Variants in MSRA observed in about 807,000 individuals in gnomAD.
The protein encoded by MSRA is methionine sulfoxide reductase A.
MSRA carries 54 observed loss-of-function variants against 31.3 expected under a neutral mutation model. The observed-to-expected ratio is 1.73, with a 90% confidence interval of 1.39 to 2.17. MSRA has a LOEUF of 2.17. Among genes scored for constraint, MSRA ranks in the 30% most tolerant of loss-of-function variants. The probability of loss-of-function intolerance (pLI) is 0.00; values close to 1 mark genes in which losing one functional copy is unlikely to be tolerated. For synonymous variants in MSRA, 169 were observed against 116.5 expected (o/e 1.45, Z -2.90); for missense variants, 507 against 300.9 (o/e 1.69, Z -5.07).
intron 1 of MSRA, among the ~76,000 whole-genome samples, chr8:10,196,500 G>A (rs934763926): frequency 1.3e-5 from 2 of 151,820 alleles, no homozygotes; most frequent in East Asian, 3.9e-4. Context: ...GTCAGGAAGC[G>A]AGGCCCCTAC....
intron 1 of MSRA, among the ~76,000 whole-genome samples, chr8:10,076,867 G>C (rs536611122): frequency 6.6e-6 from 1 of 152,050 alleles, no homozygotes; most frequent in African/African-American, 2.4e-5. Context: ...CAGAGGATGG[G>C]GGGCTGGGGA....
intron 1 of MSRA, among the ~76,000 whole-genome samples, chr8:10,083,954 A>G (rs1798417391): frequency 6.6e-6 from 1 of 152,190 alleles, no homozygotes; most frequent in African/African-American, 2.4e-5. Flanking sequence ...GGTACAGCTA[A>G]ATTTTGTCCT....
At position 10,200,182 on chromosome 8, in the gene MSRA, C is replaced by T. The variant is rs1364374672; in HGVS notation, c.143-7651C>T. Among the ~76,000 whole-genome samples the T allele has an allele frequency of 7.2e-5, 11 of 152,214 alleles. No individual in the cohort carries two copies. The South Asian group carries it at 8.3e-4, about 11-fold the overall frequency. ...TCTGCTGCGTCTGGAGCAAAGGGAG[C>T]GGGCCAGATGGTCGTGGAGGGCGGG... On this transcript the variant is annotated intron_variant, in intron 1 of 5. Transcript: ENST00000317173.
chr8:10,427,899 G>A (rs1409686253), intron 5 of MSRA, among the ~76,000 whole-genome samples: 1 of 152,224 alleles, frequency 6.6e-6, no homozygotes, highest in African/African-American at 2.4e-5. Context: ...TGTGGGGGTA[G>A]AGTGTAAGTT....
At chr8:10,329,416 T>C (rs1039505034) in intron 5 of MSRA, among the ~76,000 whole-genome samples, 1 of 152,172 alleles carries the variant, frequency 6.6e-6, no homozygotes, top group Non-Finnish European at 1.5e-5. Flanking sequence ...CCTCATCCTC[T>C]TCTGGGCATC....
In MSRA at chr8:10,153,118, G is replaced by A. The variant is rs536973848; in HGVS notation, c.143-54715G>A. Among the ~76,000 whole-genome samples, 40 of 152,226 alleles carry A rather than the reference G, an allele frequency of 2.6e-4. No homozygotes were observed. In the South Asian group the frequency reaches 6.0e-3, roughly 23 times the overall value. On this transcript the variant is annotated intron_variant, in intron 1 of 5. Transcript: ENST00000317173. The stretch of plus-strand genomic sequence containing the variant: ...GTGAATGTACTTACCACTACTGAGC[G>A]GTACACTTAGAAATGGTTACGATGG...
chr8:10,325,259 G>T (rs377477339), intron 5 of MSRA, among the ~76,000 whole-genome samples: 1 of 152,134 alleles, frequency 6.6e-6, no homozygotes, highest in Non-Finnish European at 1.5e-5. Flanking sequence ...AATTTTAGCA[G>T]AGTGCATCCT....
intron 5 of MSRA, among the ~76,000 whole-genome samples, chr8:10,410,424 A>T (rs1441724488): frequency 6.6e-6 from 1 of 152,170 alleles, no homozygotes; most frequent in Non-Finnish European, 1.5e-5. Flanking sequence ...TCACCTCATA[A>T]TTCCCACAGT....
At chr8:10,176,827 C>T (rs1015878536) in intron 1 of MSRA, among the ~76,000 whole-genome samples, 1 of 152,212 alleles carries the variant, frequency 6.6e-6, no homozygotes, top group Non-Finnish European at 1.5e-5. Context: ...AGTGTTACAA[C>T]TGGAACTTCT....
At chr8:10,379,372 C>T (rs568091206) in intron 5 of MSRA, among the ~76,000 whole-genome samples, 23 of 152,288 alleles carry the variant, frequency 1.5e-4, no homozygotes, top group African/African-American at 5.5e-4. Context: ...CACCACTGAA[C>T]GTTCCCTGCC....
chr8:10,286,912 G>A (rs577926284), intron 3 of MSRA, among the ~76,000 whole-genome samples: 23 of 152,220 alleles, frequency 1.5e-4, no homozygotes, highest in African/African-American at 2.2e-4. Context: ...TCTTTATAGC[G>A]TACCTTTTTG....
At chr8:10,359,338 A>G (rs2129163977) in intron 5 of MSRA, among the ~76,000 whole-genome samples, 1 of 152,034 alleles carries the variant, frequency 6.6e-6, no homozygotes, top group African/African-American at 2.4e-5. Flanking sequence ...CATTTCCTTT[A>G]CACAGCTTTT....
At chr8:10,069,791 A>T (rs1797641697) in intron 1 of MSRA, among the ~76,000 whole-genome samples, 1 of 152,200 alleles carries the variant, frequency 6.6e-6, no homozygotes, top group Admixed American at 6.5e-5. Flanking sequence ...GACACATTCA[A>T]ACCAAAGTGA....
At chr8:10,092,377 G>T (rs1482428258) in intron 1 of MSRA, among the ~76,000 whole-genome samples, 4 of 152,142 alleles carry the variant, frequency 2.6e-5, no homozygotes, top group Non-Finnish European at 5.9e-5. Context: ...TGTACATTCT[G>T]GCCAGGCACG....
chr8:10,227,272 A>G (rs1811079291), intron 2 of MSRA, among the ~76,000 whole-genome samples: 1 of 152,150 alleles, frequency 6.6e-6, no homozygotes, highest in Admixed American at 6.5e-5. Flanking sequence ...GAGGGGCTAA[A>G]TTTGTCCCTT....
At chr8:10,130,522 G>A (rs922799921) in intron 1 of MSRA, among the ~76,000 whole-genome samples, 5 of 152,104 alleles carry the variant, frequency 3.3e-5, no homozygotes, top group Non-Finnish European at 5.9e-5. Flanking sequence ...TTTCCCCTCC[G>A]ACATTCTTTC....
chr8:10,242,873 A>G (rs1245933314), intron 2 of MSRA, among the ~76,000 whole-genome samples: 1 of 152,138 alleles, frequency 6.6e-6, no homozygotes, highest in African/African-American at 2.4e-5. Flanking sequence ...AGAAATGTGG[A>G]CATTGACCAT....
At chr8:10,309,222 G>C (rs1299714240) in intron 4 of MSRA, among the ~76,000 whole-genome samples, 1 of 152,230 alleles carries the variant, frequency 6.6e-6, no homozygotes, top group Admixed American at 6.5e-5. Context: ...GGTGGGCTTT[G>C]TATTAAATGT....
At chr8:10,337,000 A>C (rs1221889238) in intron 5 of MSRA, 1 of 152,222 alleles carries the variant, frequency 6.6e-6, no homozygotes, top group Non-Finnish European at 1.5e-5. Flanking sequence ...TGTGTAGCCC[A>C]GAAAACAATG....
Sources: gnomAD v4.1 joint callset for allele counts (sites outside exome capture counted in the v4.1 genomes callset) on GRCh38, gnomAD v4.1.1 for gene constraint, MANE v1.5 for transcripts, NCBI Gene and HGNC (gene_info 2026-07-23, HGNC 2026-07-21) for gene names.